The following RAPGEF6 variants were observed in gnomAD, a reference collection of about 807,000 sequenced individuals.
RAPGEF6 encodes the protein PDZ domain containing guanine nucleotide exchange factor (GEF) 2.
RAPGEF6 carries 56 observed loss-of-function variants against 171.4 expected under a neutral mutation model. The ratio of observed to expected loss-of-function variants is 0.33; its 90% confidence interval spans 0.26 to 0.41. The LOEUF is 0.41. Among genes scored for constraint, RAPGEF6 ranks in the 10% least tolerant of loss-of-function variants. RAPGEF6 has a pLI of 1.00. For missense variants in RAPGEF6, 1,674 were observed against 1,921.4 expected (o/e 0.87, Z 2.41); for synonymous variants, 692 against 650.1 (o/e 1.06, Z -0.98).
At chr5:131,431,616 T>C (rs1381834525) in intron 25 of RAPGEF6, among the ~76,000 whole-genome samples, 2 of 151,960 alleles carry the variant, frequency 1.3e-5, no homozygotes, top group Non-Finnish European at 2.9e-5. Flanking sequence ...AAATGTTAGA[T>C]ATTTTTTTTT....
Position 131,433,418 on chromosome 5 carries a change from A to G in RAPGEF6, c.3974+12T>C, listed in dbSNP as rs1403414447. On this transcript the variant is annotated intron_variant, in intron 25 of 27. Transcript: ENST00000509018. ...TGGGTTTTGTGTTATGAACACAGACAATGATGCTTACCCAGGGCCATGTTG... is the reference window on the plus strand; with the variant it reads ...TGGGTTTTGTGTTATGAACACAGACGATGATGCTTACCCAGGGCCATGTTG... 1.9e-6 allele frequency: 3 copies of G among 1,599,974 alleles called. No homozygotes were observed. The highest frequency in any genetic ancestry group is 2.2e-5 in the South Asian group (2 of 90,782).
Position 131,504,445 on chromosome 5 carries a change from G to A in RAPGEF6, c.1254+181C>T, listed in dbSNP as rs147527527. 4.4e-3 allele frequency among the ~76,000 whole-genome samples: 669 copies of A among 151,112 alleles called. 2 individuals are homozygous for A. The highest frequency in any genetic ancestry group is 8.9e-3 in the South Asian group (43 of 4,806). On this transcript the variant is annotated intron_variant, in intron 11 of 27. Transcript: ENST00000509018. ...CTATTGCACTCCAGCCTGGGCAACAGAGTGAGACTCCATCACAAAAAAAAA... is the reference window on the plus strand; with the variant it reads ...CTATTGCACTCCAGCCTGGGCAACAAAGTGAGACTCCATCACAAAAAAAAA...
At chr5:131,547,009 C>G (rs6875058) in intron 6 of RAPGEF6, among the ~76,000 whole-genome samples, 118,776 of 152,118 alleles carry the variant, frequency 0.78, 46,707 homozygotes, top group African/African-American at 0.84. Context: ...AATACAAAAA[C>G]AGAAATTGTT....
chr5:131,592,926 A>C (rs1476687792), intron 3 of RAPGEF6, among the ~76,000 whole-genome samples: 3 of 152,238 alleles, frequency 2.0e-5, no homozygotes, highest in Non-Finnish European at 4.4e-5. Context: ...ACTTGAATAC[A>C]ACAAAAAGAT....
intron 6 of RAPGEF6, among the ~76,000 whole-genome samples, chr5:131,542,005 T>C (rs1289722049): frequency 3.3e-5 from 5 of 152,234 alleles, no homozygotes; most frequent in Non-Finnish European, 5.9e-5. Context: ...GTGACTTTCA[T>C]ACACATTTTG....
At chr5:131,601,385 CAAA>C (rs758602740) in intron 3 of RAPGEF6, among the ~76,000 whole-genome samples, 3 of 54,302 alleles carry the variant, frequency 5.5e-5, no homozygotes, top group African/African-American at 7.1e-5. Flanking sequence ...GACTCCGTCT[CAAA>C]AAAAAAAAAA....
Position 131,425,990 on chromosome 5 carries a change from TATTTA to T in RAPGEF6, c.*1271_*1275del, listed in dbSNP as rs1364691278. 1 of 145,898 alleles carries T rather than the reference TATTTA, an allele frequency of 6.9e-6. No individual in the cohort carries two copies. Among genetic ancestry groups the T allele is most frequent in the Non-Finnish European group, 1.5e-5 (1 of 67,344 alleles). 9.0% of individuals were successfully genotyped at this position (145,898 alleles called of 1,614,324 possible). Reference sequence around the variant, plus strand: ...AATTAAACTTAATATATATAAAATATATTTAATTTGCAAAAATGTGAAAAATCTGC... The same window carrying T: ...AATTAAACTTAATATATATAAAATATATTTGCAAAAATGTGAAAAATCTGC... On this transcript the variant is annotated 3_prime_UTR_variant, in exon 28 of 28. Transcript: ENST00000509018.
intron 5 of RAPGEF6, among the ~76,000 whole-genome samples, chr5:131,561,226 AG>A (rs1761579236): frequency 6.6e-6 from 1 of 152,250 alleles, no homozygotes; most frequent in African/African-American, 2.4e-5. Context: ...ATAATTAAAA[AG>A]TGAAAATACT....
rs186208705 is a variant in RAPGEF6, at chr5:131,467,269, A to T, written c.2240-2988T>A. On this transcript the variant is annotated intron_variant, in intron 17 of 27. Coordinates refer to ENST00000509018, the MANE Select transcript of RAPGEF6 (RefSeq NM_016340.6). ...AAGTGATTTGTCCATGTGAAGGACA[A>T]ATTGTTATATGATCACATAAGATTG... Among the ~76,000 whole-genome samples the T allele has an allele frequency of 3.0e-3, 452 of 152,338 alleles. 6 individuals carry two copies. The highest frequency in any genetic ancestry group is 3.4e-3 in the Non-Finnish European group (232 of 68,024).
rs2149802178 is a variant in RAPGEF6, at chr5:131,426,987, C to A, written c.*279G>T. On this transcript the variant is annotated 3_prime_UTR_variant, in exon 28 of 28. Coordinates refer to ENST00000509018, the MANE Select transcript of RAPGEF6 (RefSeq NM_016340.6). Reference sequence around the variant, plus strand: ...ATACACAAGGATCACTCTGAGTTTACATTTTTTCTGTAACTGTGGTCCCAA... The same window carrying A: ...ATACACAAGGATCACTCTGAGTTTAAATTTTTTCTGTAACTGTGGTCCCAA... 2.2e-6 allele frequency: 1 copy of A among 450,270 alleles called. No homozygotes were observed. 27.9% of individuals were successfully genotyped at this position (450,270 alleles called of 1,614,324 possible). A position where few individuals can be genotyped will look rare whatever the true frequency, so the allele number is the denominator to read the frequency against.
intron 19 of RAPGEF6, 32 bp from the exon 20 acceptor site, chr5:131,456,044 GA>G (rs1163491927): frequency 1.3e-6 from 2 of 1,580,024 alleles, no homozygotes; most frequent in Admixed American, 3.4e-5. Context: ...ACATTAAAAA[GA>G]AACTTGGGGA....
Position 131,508,218 on chromosome 5 carries a change from AC to A in RAPGEF6, c.806-12del, listed in dbSNP as rs1424318449. ...ACTCCAGCAATTGTTCTATAAGAAAACAGAAATTCTGGTATAAAGACCATCG... is the reference window on the plus strand; with the variant it reads ...ACTCCAGCAATTGTTCTATAAGAAAAAGAAATTCTGGTATAAAGACCATCG... On this transcript the variant is annotated splice_polypyrimidine_tract_variant and intron_variant, in intron 8 of 27. Coordinates refer to ENST00000509018, the MANE Select transcript of RAPGEF6 (RefSeq NM_016340.6). The A allele has an allele frequency of 1.9e-6, 3 of 1,600,064 alleles. No homozygotes were observed. Among genetic ancestry groups the A allele is most frequent in the Non-Finnish European group, 2.6e-6 (3 of 1,174,442 alleles).
intron 4 of RAPGEF6, among the ~76,000 whole-genome samples, chr5:131,571,913 C>A (rs556928575): frequency 1.3e-5 from 2 of 152,084 alleles, no homozygotes; most frequent in African/African-American, 4.8e-5. Flanking sequence ...CATTCCTCCC[C>A]GCCCTTGTGA....
chr5:131,479,412 T>C (rs1755319658), intron 16 of RAPGEF6, 101 bp downstream of exon 16: 1 of 1,263,196 alleles, frequency 7.9e-7, no homozygotes, highest in Non-Finnish European at 1.1e-6. Context: ...ATACATTAGT[T>C]ATATAACAAA....
rs1481452046 is a variant in RAPGEF6 at position 131,433,651 on chromosome 5, T to C, written c.3753A>G (p.Thr1251=). The change falls in exon 25 of 28, where the codon ACA becomes ACG. Residue 1251 remains threonine, a synonymous_variant. Coordinates refer to ENST00000509018, the MANE Select transcript of RAPGEF6 (RefSeq NM_016340.6). The part of the protein sequence containing the change: ...SPQGSPHKGY[T]LIPSAKSDNL... ...TGTCAGATTTAGCTGATGGAATAAG[T>C]GTGTAACCTGAACAAGAAAAGAGCA... The C allele has an allele frequency of 2.5e-6, 4 of 1,601,770 alleles. No homozygotes were observed. The highest frequency in any genetic ancestry group is 3.4e-6 in the Non-Finnish European group (4 of 1,169,612).
intron 6 of RAPGEF6, among the ~76,000 whole-genome samples, chr5:131,546,141 A>G (rs1163490866): frequency 4.6e-5 from 7 of 152,190 alleles, no homozygotes; most frequent in Admixed American, 4.6e-4. Context: ...AAAAGAAGAT[A>G]CTGAAGTTGA....
At chr5:131,543,102 T>G (rs1760265776) in intron 6 of RAPGEF6, among the ~76,000 whole-genome samples, 1 of 152,116 alleles carries the variant, frequency 6.6e-6, no homozygotes, top group South Asian at 2.1e-4. Context: ...TATGCTAGAT[T>G]ACTGGAATTT....
chr5:131,500,996 G>A (rs1269532324), intron 11 of RAPGEF6, among the ~76,000 whole-genome samples: 2 of 152,050 alleles, frequency 1.3e-5, no homozygotes, highest in African/African-American at 2.4e-5. Flanking sequence ...GCTCACACCT[G>A]TAATCCCAGC....
chr5:131,437,842 C>T (rs1045732415), intron 24 of RAPGEF6, among the ~76,000 whole-genome samples: 3 of 152,134 alleles, frequency 2.0e-5, no homozygotes, highest in Non-Finnish European at 4.4e-5. Context: ...AGAGACATTC[C>T]AATTCACTAA....
Sources: gnomAD v4.1 joint callset for allele counts (sites outside exome capture counted in the v4.1 genomes callset) on GRCh38, gnomAD v4.1.1 for gene constraint, MANE v1.5 for transcripts, NCBI Gene and HGNC (gene_info 2026-07-23, HGNC 2026-07-21) for gene names.